The following RUNX1 variants were observed in gnomAD, a reference collection of about 807,000 sequenced individuals.
The protein encoded by RUNX1 is RUNX family transcription factor 1, also known as runt-related transcription factor 1.
RUNX1 carries 19 observed loss-of-function variants against 42.8 expected under a neutral mutation model. The ratio of observed to expected loss-of-function variants is 0.44; its 90% confidence interval spans 0.31 to 0.65. The LOEUF (loss-of-function observed/expected upper bound fraction) is 0.65. Among genes scored for constraint, RUNX1 ranks in the 30% least tolerant of loss-of-function variants. The pLI is 0.07. For missense variants in RUNX1, 528 were observed against 672.0 expected, an observed-to-expected ratio of 0.79 and a Z score of 2.37; for synonymous variants, 271 against 289.4, an observed-to-expected ratio of 0.94 and a Z score of 0.64.
chr21:35,027,792 A>C (rs1030209339), intron 2 of RUNX1, among the ~76,000 whole-genome samples: 1 of 152,238 alleles, frequency 6.6e-6, no homozygotes, highest in Non-Finnish European at 1.5e-5. Context: ...TGCATCTTGC[A>C]GGTAGAACTC....
At chr21:34,878,467 G>A (rs2834659) in intron 5 of RUNX1, among the ~76,000 whole-genome samples, 22,386 of 151,558 alleles carry the variant, frequency 0.15, 2,561 homozygotes, top group African/African-American at 0.32. Flanking sequence ...TAGGGTTTCC[G>A]TATTTTTTAT....
intron 2 of RUNX1, among the ~76,000 whole-genome samples, chr21:35,027,313 A>G (rs2059244619): frequency 1.3e-5 from 2 of 152,222 alleles, no homozygotes; most frequent in African/African-American, 4.8e-5. Context: ...AATCAGGCCA[A>G]TCACGGGGCT....
At chr21:35,022,920 A>AATT (rs1479365602) in intron 2 of RUNX1, among the ~76,000 whole-genome samples, 3 of 150,288 alleles carry the variant, frequency 2.0e-5, no homozygotes, top group Non-Finnish European at 4.4e-5. Context: ...TAATAATAAT[A>AATT]AGGCGGAGAT....
chr21:34,857,091 A>G lies in RUNX1; in HGVS notation c.613+2383T>C, dbSNP rs2057504596. Among the ~76,000 whole-genome samples the G allele has an allele frequency of 2.0e-5, 3 of 152,224 alleles. No individual in the cohort carries two copies. In the South Asian group the frequency reaches 6.2e-4, roughly 32 times the overall value. Reference sequence around the variant, plus strand: ...TGGCTTTTTTCTAGAAGTCCCTTGTAAAATGTGAGACTTTCTACCTGGGGC... The same window carrying G: ...TGGCTTTTTTCTAGAAGTCCCTTGTGAAATGTGAGACTTTCTACCTGGGGC... On this transcript the variant is annotated intron_variant, in intron 6 of 8. Coordinates refer to ENST00000675419, the MANE Select transcript of RUNX1 (RefSeq NM_001754.5).
intron 7 of RUNX1, among the ~76,000 whole-genome samples, chr21:34,803,328 A>G (rs1026179172): frequency 5.3e-5 from 8 of 152,100 alleles, no homozygotes; most frequent in Non-Finnish European, 1.2e-4. Flanking sequence ...CGGGTGGATC[A>G]TGAGGTTAGG....
chr21:35,027,735 C>T (rs2059247392), intron 2 of RUNX1, among the ~76,000 whole-genome samples: 1 of 152,168 alleles, frequency 6.6e-6, no homozygotes, highest in South Asian at 2.1e-4. Flanking sequence ...AACACACACA[C>T]ACAAACCCCA....
At chr21:35,039,495 G>A (rs898293244) in intron 2 of RUNX1, among the ~76,000 whole-genome samples, 3 of 151,976 alleles carry the variant, frequency 2.0e-5, no homozygotes, top group Non-Finnish European at 4.4e-5. Flanking sequence ...AAACTATACA[G>A]AACTATATAT....
chr21:34,793,402 A>G (rs2056478965), intron 8 of RUNX1, among the ~76,000 whole-genome samples: 1 of 152,202 alleles, frequency 6.6e-6, no homozygotes, highest in Non-Finnish European at 1.5e-5. Context: ...TATAACGTAT[A>G]TAAAATGTTG....
chr21:35,043,625 T>C (rs2059375872), intron 2 of RUNX1, among the ~76,000 whole-genome samples: 2 of 152,162 alleles, frequency 1.3e-5, no homozygotes, highest in South Asian at 2.1e-4. Flanking sequence ...AACAGGAACT[T>C]GGTAATTTAG....
At chr21:34,930,719 TCA>T (rs67114485) in intron 2 of RUNX1, among the ~76,000 whole-genome samples, 3,546 of 140,420 alleles carry the variant, frequency 0.025, 107 homozygotes, top group African/African-American at 0.075. Flanking sequence ...TCTCTCTCTC[TCA>T]CACACACACA....
chr21:34,980,191 T>C (rs1182481812), intron 2 of RUNX1, among the ~76,000 whole-genome samples: 1 of 152,236 alleles, frequency 6.6e-6, no homozygotes, highest in Non-Finnish European at 1.5e-5. Context: ...TCTCAGTCTC[T>C]TCATATAAAC....
intron 5 of RUNX1, among the ~76,000 whole-genome samples, chr21:34,875,230 C>A (rs2057797356): frequency 6.6e-6 from 1 of 152,236 alleles, no homozygotes. Flanking sequence ...TTAAGCAGGG[C>A]AGGGAGCAAC....
At chr21:34,954,239 G>A (rs2058628998) in intron 2 of RUNX1, among the ~76,000 whole-genome samples, 1 of 152,174 alleles carries the variant, frequency 6.6e-6, no homozygotes, top group Non-Finnish European at 1.5e-5. Flanking sequence ...ACTTTTATAA[G>A]ATTCAGTCCT....
intron 7 of RUNX1, among the ~76,000 whole-genome samples, chr21:34,812,364 AAC>A (rs2145959043): frequency 1.3e-5 from 2 of 152,358 alleles, no homozygotes; most frequent in African/African-American, 4.8e-5. Context: ...GTGGGTTAAT[AAC>A]ACAGGTTGGT....
intron 5 of RUNX1, among the ~76,000 whole-genome samples, chr21:34,861,201 A>G (rs1322082192): frequency 6.6e-6 from 1 of 152,198 alleles, no homozygotes; most frequent in Non-Finnish European, 1.5e-5. Context: ...AGATGTTATC[A>G]GGCGACACTC....
intron 2 of RUNX1, among the ~76,000 whole-genome samples, chr21:34,917,040 T>C (rs2058316777): frequency 6.6e-6 from 1 of 152,154 alleles, no homozygotes; most frequent in Admixed American, 6.5e-5. Flanking sequence ...TGTGACCCCA[T>C]GCTGTTCCGA....
chr21:34,967,114 A>T (rs1242542501), intron 2 of RUNX1, among the ~76,000 whole-genome samples: 2 of 151,512 alleles, frequency 1.3e-5, no homozygotes, highest in Non-Finnish European at 2.9e-5. Context: ...AAGTCAGGAG[A>T]TCGAGACCAG....
chr21:34,820,722 C>T (rs2056896251), intron 7 of RUNX1, among the ~76,000 whole-genome samples: 1 of 152,058 alleles, frequency 6.6e-6, no homozygotes, highest in Admixed American at 6.5e-5. Flanking sequence ...GCACATGATA[C>T]TGAACCCAAC....
In RUNX1 at chr21:35,039,300, G is replaced by A. The variant is rs988307436; in HGVS notation, c.58+9542C>T. Among the ~76,000 whole-genome samples, 16 of 152,234 alleles carry A rather than the reference G, an allele frequency of 1.1e-4. No individual in the cohort carries two copies. In the East Asian group the frequency reaches 1.4e-3, roughly 13 times the overall value. Reference sequence around the variant, plus strand: ...AGGAGCTGAGAAGACCTGGTTTCTCGTTCGGACTCTGGCACCAACCAGCTA... The same window carrying A: ...AGGAGCTGAGAAGACCTGGTTTCTCATTCGGACTCTGGCACCAACCAGCTA... On this transcript the variant is annotated intron_variant, in intron 2 of 8. Coordinates refer to ENST00000675419, the MANE Select transcript of RUNX1 (RefSeq NM_001754.5).
Sources: allele counts gnomAD v4.1 joint callset (sites outside exome capture counted in the v4.1 genomes callset), GRCh38; gene constraint gnomAD v4.1.1; transcripts MANE v1.5; gene names NCBI Gene and HGNC (gene_info 2026-07-23, HGNC 2026-07-21).